Variants in CYP2C19 observed in about 807,000 individuals in gnomAD.
CYP2C19 encodes the protein cytochrome P450 2C19.
Under a neutral mutation model 40.9 loss-of-function variants are expected in CYP2C19, and 59 were observed. The observed-to-expected ratio is 1.44, with a 90% confidence interval of 1.17 to 1.79. The LOEUF is 1.79. Among genes scored for constraint, CYP2C19 ranks in the 40% most tolerant of loss-of-function variants. The pLI is 0.00. For missense variants in CYP2C19, 754 were observed against 596.9 expected (o/e 1.26, Z -2.74); for synonymous variants, 253 against 208.7 (o/e 1.21, Z -1.83).
At chr10:94,831,338 A>C (rs1849332135) in intron 6 of CYP2C19, among the ~76,000 whole-genome samples, 1 of 152,256 alleles carries the variant, frequency 6.6e-6, no homozygotes. Flanking sequence ...TGCAACAAAC[A>C]CAAGAGTGCA....
intron 5 of CYP2C19, among the ~76,000 whole-genome samples, chr10:94,808,362 C>T (rs1279408781): frequency 1.3e-5 from 2 of 151,962 alleles, no homozygotes; most frequent in Non-Finnish European, 2.9e-5. Context: ...TATAAAAATG[C>T]CATGTGTAAT....
chr10:94,823,753 A>G (rs1477814816), intron 6 of CYP2C19, among the ~76,000 whole-genome samples: 3 of 152,192 alleles, frequency 2.0e-5, no homozygotes, highest in Admixed American at 1.3e-4. Context: ...AGACTTGCAC[A>G]TTTGCCAAAA....
At chr10:94,840,432 T>C (rs1849474445) in intron 6 of CYP2C19, among the ~76,000 whole-genome samples, 1 of 152,014 alleles carries the variant, frequency 6.6e-6, no homozygotes, top group Admixed American at 6.6e-5. Flanking sequence ...ACTCCCTGGG[T>C]TATAGCCTAG....
At chr10:94,828,996 C>G (rs1404008707) in intron 6 of CYP2C19, among the ~76,000 whole-genome samples, 1 of 152,116 alleles carries the variant, frequency 6.6e-6, no homozygotes, top group Non-Finnish European at 1.5e-5. Flanking sequence ...TTGGCCCCCA[C>G]TCTCTTCTGG....
chr10:94,850,042 C>T lies in CYP2C19; in HGVS notation c.1275C>T (p.Phe425=). 6.2e-7 allele frequency: 1 copy of T among 1,613,560 alleles called. No homozygotes were observed. The highest frequency in any genetic ancestry group is 8.5e-7 in the Non-Finnish European group (1 of 1,179,646). The change falls in exon 8 of 9, where the codon TTC becomes TTT. Residue 425 remains phenylalanine, a synonymous_variant. Coordinates refer to ENST00000371321, the MANE Select transcript of CYP2C19 (RefSeq NM_000769.4). Reference sequence around the variant, plus strand: ...GAAATTTTAAGAAAAGTAACTACTTCATGCCTTTCTCAGCAGGTAATATAA... The same window carrying T: ...GAAATTTTAAGAAAAGTAACTACTTTATGCCTTTCTCAGCAGGTAATATAA... The part of the protein sequence containing the change: ...EGGNFKKSNY[F]MPFSAGKRIC...
chr10:94,775,316 A>G lies in CYP2C19; in HGVS notation c.332-74A>G, dbSNP rs1056081944. The G allele has an allele frequency of 1.4e-5, 22 of 1,612,354 alleles. 1 individual carries two copies. The highest frequency in any genetic ancestry group is 1.7e-5 in the Non-Finnish European group (20 of 1,179,966). On this transcript the variant is annotated intron_variant, in intron 2 of 8. Coordinates refer to ENST00000371321, the MANE Select transcript of CYP2C19 (RefSeq NM_000769.4). ...TTCTCGGGCAGAGCTTGGCCCATCC[A>G]CATGGCTGCCCAGTGTCAGCTTCCT...
chr10:94,838,741 C>A (rs1849444725), intron 6 of CYP2C19, among the ~76,000 whole-genome samples: 1 of 152,094 alleles, frequency 6.6e-6, no homozygotes, highest in African/African-American at 2.4e-5. Flanking sequence ...ATAAATCACA[C>A]TTTTTACATA....
At chr10:94,826,699 A>T (rs541465870) in intron 6 of CYP2C19, among the ~76,000 whole-genome samples, 9 of 152,308 alleles carry the variant, frequency 5.9e-5, no homozygotes, top group African/African-American at 2.2e-4. Flanking sequence ...CACTATGTTG[A>T]ATAGGAGTGG....
At chr10:94,812,542 G>A (rs907993203) in intron 5 of CYP2C19, among the ~76,000 whole-genome samples, 7 of 152,152 alleles carry the variant, frequency 4.6e-5, no homozygotes, top group Non-Finnish European at 7.4e-5. Context: ...TTTTCACATA[G>A]CACCACATTT....
chr10:94,800,542 C>G (rs778034729), intron 5 of CYP2C19, among the ~76,000 whole-genome samples: 2 of 152,204 alleles, frequency 1.3e-5, no homozygotes, highest in African/African-American at 4.8e-5. Flanking sequence ...GTGGGAGAAG[C>G]ACTGCTCTCT....
chr10:94,776,463 T>A (rs989255416), intron 3 of CYP2C19: 19 of 152,140 alleles, frequency 1.2e-4, no homozygotes, highest in African/African-American at 4.1e-4. Context: ...ACCTCATTTT[T>A]AAATTCTGTT....
chr10:94,778,017 A>G (rs1848433518), intron 3 of CYP2C19, among the ~76,000 whole-genome samples: 2 of 152,168 alleles, frequency 1.3e-5, no homozygotes, highest in South Asian at 2.1e-4. Context: ...CCAATGGATG[A>G]AATGAGTACT....
At chr10:94,766,862 A>G (rs181657342) in intron 1 of CYP2C19, among the ~76,000 whole-genome samples, 3 of 152,202 alleles carry the variant, frequency 2.0e-5, no homozygotes, top group Admixed American at 2.0e-4. Flanking sequence ...CAGTGGGGTT[A>G]GAGAGGATTA....
At chr10:94,790,064 T>C (rs972682185) in intron 5 of CYP2C19, among the ~76,000 whole-genome samples, 10 of 152,042 alleles carry the variant, frequency 6.6e-5, no homozygotes, top group Admixed American at 3.9e-4. Flanking sequence ...CTTCACATCC[T>C]TTGTAATTTG....
chr10:94,816,236 TTTTC>T (rs942464102), intron 5 of CYP2C19, among the ~76,000 whole-genome samples: 4 of 151,352 alleles, frequency 2.6e-5, no homozygotes, highest in African/African-American at 4.9e-5. Context: ...ATACAGTATT[TTTTC>T]TTTCTTTTTT....
chr10:94,821,838 A>G (rs1849127127), intron 6 of CYP2C19, among the ~76,000 whole-genome samples: 1 of 151,926 alleles, frequency 6.6e-6, no homozygotes, highest in East Asian at 1.9e-4. Flanking sequence ...GATTTGTTAC[A>G]TGGGTAAATT....
At chr10:94,810,758 T>C (rs1259733787) in intron 5 of CYP2C19, among the ~76,000 whole-genome samples, 3 of 152,178 alleles carry the variant, frequency 2.0e-5, no homozygotes, top group Admixed American at 6.5e-5. Flanking sequence ...TTTTGTTCTC[T>C]CTATTTGATT....
chr10:94,855,484 C>T lies in CYP2C19; in HGVS notation c.*2570C>T, dbSNP rs1243522383. On this transcript the variant is annotated 3_prime_UTR_variant, in exon 9 of 9. Transcript: ENST00000371321. ...TGAGAAGAGAACTTTATTTGGCTCA[C>T]TAATGAATACCAGCCACCTGAAACA... Among the ~76,000 whole-genome samples the T allele has an allele frequency of 6.6e-6, 1 of 152,180 alleles. No homozygotes were observed. Among genetic ancestry groups the T allele is most frequent in the South Asian group, 2.1e-4 (1 of 4,832 alleles).
At chr10:94,825,347 T>C (rs1448097043) in intron 6 of CYP2C19, among the ~76,000 whole-genome samples, 5 of 148,428 alleles carry the variant, frequency 3.4e-5, no homozygotes, top group Admixed American at 1.3e-4. Context: ...ATGATCACCA[T>C]TCTAACTGGT....
Sources: gnomAD v4.1 joint callset for allele counts (sites outside exome capture counted in the v4.1 genomes callset) on GRCh38, gnomAD v4.1.1 for gene constraint, MANE v1.5 for transcripts, NCBI Gene and HGNC (gene_info 2026-07-23, HGNC 2026-07-21) for gene names.